LOC128706666: variants seen among roughly 807,000 people sequenced by gnomAD.
the LOC128706666 span, among the ~76,000 whole-genome samples, chr20:10,427,988 C>T: frequency 6.6e-6 from 1 of 152,200 alleles, no homozygotes; most frequent in Non-Finnish European, 1.5e-5. Context: ...GCGTAAGTAT[C>T]TTATGTCTTT....
chr20:10,429,616 C>A, the LOC128706666 span, among the ~76,000 whole-genome samples: 1 of 152,192 alleles, frequency 6.6e-6, no homozygotes, highest in African/African-American at 2.4e-5. Context: ...ATCTACTAAG[C>A]CATTCAATTC....
the LOC128706666 span, among the ~76,000 whole-genome samples, chr20:10,432,155 G>T: frequency 6.6e-6 from 1 of 152,224 alleles, no homozygotes. Context: ...GATCAATCAA[G>T]GGGTATAAAA....
the LOC128706666 span, among the ~76,000 whole-genome samples, chr20:10,428,609 A>G: frequency 6.6e-6 from 1 of 152,120 alleles, no homozygotes; most frequent in African/African-American, 2.4e-5. Context: ...GAGGCTGAGG[A>G]AGGTGGATCA....
chr20:10,428,534 A>G, the LOC128706666 span, among the ~76,000 whole-genome samples: 17 of 152,158 alleles, frequency 1.1e-4, no homozygotes, highest in African/African-American at 3.9e-4. Flanking sequence ...TGTGCACCTT[A>G]GCTCTCAACT....
the LOC128706666 span, among the ~76,000 whole-genome samples, chr20:10,420,341 G>A: frequency 6.6e-6 from 1 of 152,154 alleles, no homozygotes; most frequent in Non-Finnish European, 1.5e-5. Flanking sequence ...CCAGGCAAGT[G>A]TCAAATGTCT....
chr20:10,421,639 A>G, the LOC128706666 span, among the ~76,000 whole-genome samples: 4 of 152,108 alleles, frequency 2.6e-5, no homozygotes, highest in Non-Finnish European at 4.4e-5. Context: ...TTCCACATTT[A>G]TGTGCAAAAC....
At chr20:10,432,724 A>AG in the LOC128706666 span, among the ~76,000 whole-genome samples, 1 of 131,380 alleles carries the variant, frequency 7.6e-6, no homozygotes, top group Non-Finnish European at 1.6e-5. Flanking sequence ...TGAACCCGGG[A>AG]GGCGGAGGTT....
chr20:10,433,950 C>A, the LOC128706666 span, among the ~76,000 whole-genome samples: 1 of 152,220 alleles, frequency 6.6e-6, no homozygotes, highest in Non-Finnish European at 1.5e-5. Context: ...TCGCCTCCTA[C>A]AGAGAGCCAG....
the LOC128706666 span, among the ~76,000 whole-genome samples, chr20:10,429,104 T>A: frequency 5.9e-5 from 9 of 152,146 alleles, no homozygotes; most frequent in Non-Finnish European, 1.2e-4. Flanking sequence ...CTACACAATC[T>A]CTTTCCTTTC....
the LOC128706666 span, among the ~76,000 whole-genome samples, chr20:10,416,345 G>C: frequency 1.3e-5 from 2 of 152,088 alleles, no homozygotes; most frequent in Non-Finnish European, 2.9e-5. Context: ...AAATACACAA[G>C]GTAAGCTGGG....
the LOC128706666 span, among the ~76,000 whole-genome samples, chr20:10,431,176 C>A: frequency 6.6e-6 from 1 of 151,922 alleles, no homozygotes; most frequent in African/African-American, 2.4e-5. Flanking sequence ...AAATAGGCAC[C>A]CCTGGAGGTT....
At chr20:10,414,525 A>C in the LOC128706666 span, among the ~76,000 whole-genome samples, 7 of 152,104 alleles carry the variant, frequency 4.6e-5, no homozygotes, top group African/African-American at 1.7e-4. Context: ...TCTGCCTCCC[A>C]AAGTGCTGGG....
the LOC128706666 span, among the ~76,000 whole-genome samples, chr20:10,429,445 G>GT: frequency 2.6e-5 from 4 of 152,092 alleles, no homozygotes; most frequent in Non-Finnish European, 5.9e-5. Context: ...GCTCTCACAC[G>GT]TTCATCTCCA....
the LOC128706666 span, among the ~76,000 whole-genome samples, chr20:10,425,014 T>C: frequency 6.6e-6 from 1 of 150,832 alleles, no homozygotes; most frequent in Non-Finnish European, 1.5e-5. Flanking sequence ...GATCATGCCA[T>C]TGCACTCCCA....
the LOC128706666 span, chr20:10,431,569 A>C: frequency 6.6e-6 from 1 of 151,506 alleles, no homozygotes; most frequent in Admixed American, 6.6e-5. Context: ...AACCAAACCA[A>C]ACCCGCACAA....
At chr20:10,431,502 A>G in the LOC128706666 span, among the ~76,000 whole-genome samples, 2 of 151,760 alleles carry the variant, frequency 1.3e-5, no homozygotes, top group East Asian at 1.9e-4. Flanking sequence ...TTAATAAAAC[A>G]TAACTCAATG....
chr20:10,427,150 G>A, the LOC128706666 span, among the ~76,000 whole-genome samples: 1 of 151,362 alleles, frequency 6.6e-6, no homozygotes, highest in Admixed American at 6.6e-5. Flanking sequence ...CTAGCCATCA[G>A]ATTATTCTAT....
At chr20:10,418,561 G>C in the LOC128706666 span, among the ~76,000 whole-genome samples, 204 of 152,140 alleles carry the variant, frequency 1.3e-3, no homozygotes, top group African/African-American at 4.6e-3. Flanking sequence ...CTGCTTGCTT[G>C]ACTGGAAATG....
the LOC128706666 span, among the ~76,000 whole-genome samples, chr20:10,430,187 G>A: frequency 6.6e-6 from 1 of 152,320 alleles, no homozygotes; most frequent in South Asian, 2.1e-4. Context: ...CCAGTTTTCA[G>A]AAAGTCAAGC....
Sources: gnomAD v4.1 joint callset for allele counts (sites outside exome capture counted in the v4.1 genomes callset) on GRCh38, gnomAD v4.1.1 for gene constraint, MANE v1.5 for transcripts.